FRMD6: variants seen among roughly 807,000 people sequenced by gnomAD.
FRMD6 encodes FERM domain-containing protein 6.
Under a neutral mutation model 73.2 loss-of-function variants are expected in FRMD6, and 37 were observed. The ratio of observed to expected loss-of-function variants is 0.51; its 90% CI spans 0.39 to 0.66. The LOEUF (loss-of-function observed/expected upper bound fraction) is 0.66, where lower values mean the gene tolerates loss of function less well. FRMD6 is among the 30% of genes least tolerant of loss of function. FRMD6 has a pLI of 0.00. For synonymous variants in FRMD6, 273 were observed against 282.2 expected (o/e 0.97, Z 0.33); for missense variants, 714 against 780.5 (o/e 0.91, Z 1.02).
chr14:51,596,269 G>T (rs1053432305), intron 2 of FRMD6, among the ~76,000 whole-genome samples: 8 of 151,934 alleles, frequency 5.3e-5, no homozygotes, highest in Non-Finnish European at 1.0e-4. Flanking sequence ...GTGTGTGTGT[G>T]TGTGTGTGTA....
chr14:51,585,939 G>GTGTGTGTGTGTGTGTGTGTATATATA lies in FRMD6; in HGVS notation c.-147+15530_-147+15531insGTGTGTGTGTGTGTGTGTATATATAT. Among the ~76,000 whole-genome samples the GTGTGTGTGTGTGTGTGTGTATATATA allele has an allele frequency of 2.2e-4, 7 of 31,412 alleles. 2 individuals carry two copies. Among genetic ancestry groups the GTGTGTGTGTGTGTGTGTGTATATATA allele is most frequent in the Non-Finnish European group, 5.8e-4 (6 of 10,366 alleles). 20.6% of individuals were successfully genotyped at this position (31,412 alleles called of 152,430 possible). On this transcript the variant is annotated intron_variant, in intron 2 of 14. Transcript: ENST00000356218. Reference sequence around the variant, plus strand: ...TGCCATGGCATGTGTGTGTGTGTGTGTATATATATATATATATATATAACA... The same window carrying GTGTGTGTGTGTGTGTGTGTATATATA: ...TGCCATGGCATGTGTGTGTGTGTGTGTGTGTGTGTGTGTGTGTGTATATATATATATATATATATATATATATAACA...
intron 2 of FRMD6, among the ~76,000 whole-genome samples, chr14:51,690,534 C>T (rs1259645343): frequency 2.0e-5 from 3 of 152,132 alleles, no homozygotes; most frequent in Admixed American, 6.6e-5. Context: ...TACTGGCACG[C>T]ACCACCACGC....
At chr14:51,518,696 T>C (rs990456471) in intron 1 of FRMD6, among the ~76,000 whole-genome samples, 2 of 152,228 alleles carry the variant, frequency 1.3e-5, no homozygotes, top group African/African-American at 4.8e-5. Flanking sequence ...TTCTCTCATT[T>C]TGGAAAATTT....
At chr14:51,414,721 A>G in the FRMD6 span, among the ~76,000 whole-genome samples, 2 of 152,152 alleles carry the variant, frequency 1.3e-5, no homozygotes, top group East Asian at 1.9e-4. Flanking sequence ...TGGGGGTGGC[A>G]TTGAATCTAT....
intron 1 of FRMD6, among the ~76,000 whole-genome samples, chr14:51,541,469 A>T (rs1886197793): frequency 6.6e-6 from 1 of 152,118 alleles, no homozygotes; most frequent in African/African-American, 2.4e-5. Flanking sequence ...AAAATGAAAT[A>T]AAAACAGTAT....
intron 2 of FRMD6, among the ~76,000 whole-genome samples, chr14:51,616,029 A>G (rs572508002): frequency 2.0e-5 from 3 of 152,322 alleles, no homozygotes; most frequent in Admixed American, 6.5e-5. Context: ...CTTGGAAGAT[A>G]TGGGTATAAA....
intron 7 of FRMD6, 74 bp downstream of exon 7, chr14:51,708,307 A>C: frequency 1.5e-6 from 2 of 1,340,636 alleles, no homozygotes; most frequent in Non-Finnish European, 2.1e-6. Flanking sequence ...AGGAAAACCG[A>C]AGGATTTCAT....
chr14:51,466,428 G>A, the FRMD6 span, among the ~76,000 whole-genome samples: 1 of 152,132 alleles, frequency 6.6e-6, no homozygotes, highest in South Asian at 2.1e-4. Flanking sequence ...GTTAGCATTT[G>A]TGTATTATGT....
At chr14:51,639,321 G>C (rs886550021) in intron 2 of FRMD6, among the ~76,000 whole-genome samples, 4 of 152,004 alleles carry the variant, frequency 2.6e-5, no homozygotes, top group African/African-American at 9.7e-5. Context: ...TGTAGTCCCA[G>C]CTAATCGGGA....
intron 1 of FRMD6, among the ~76,000 whole-genome samples, chr14:51,497,946 A>G (rs1883399112): frequency 6.6e-6 from 1 of 152,204 alleles, no homozygotes; most frequent in Admixed American, 6.5e-5. Context: ...ACAGGATTTC[A>G]TAGCCACACT....
intron 9 of FRMD6, chr14:51,714,509 A>G (rs1428780372): frequency 6.6e-6 from 1 of 152,218 alleles, no homozygotes; most frequent in African/African-American, 2.4e-5. Flanking sequence ...GAAAGTTAAA[A>G]GAGTTCATAA....
At chr14:51,689,275 G>A (rs1344585032) in intron 1 of FRMD6, among the ~76,000 whole-genome samples, 1 of 152,202 alleles carries the variant, frequency 6.6e-6, no homozygotes, top group Non-Finnish European at 1.5e-5. Flanking sequence ...TGTAATGTAA[G>A]AGCCAAGACA....
intron 1 of FRMD6, among the ~76,000 whole-genome samples, chr14:51,553,715 G>A (rs1372213059): frequency 6.6e-6 from 1 of 152,168 alleles, no homozygotes; most frequent in Non-Finnish European, 1.5e-5. Context: ...GTTCCTGAAG[G>A]AGTTCATTTT....
At chr14:51,609,692 G>A (rs1890410261) in intron 2 of FRMD6, among the ~76,000 whole-genome samples, 1 of 152,182 alleles carries the variant, frequency 6.6e-6, no homozygotes, top group Non-Finnish European at 1.5e-5. Flanking sequence ...CTGAGTAAGG[G>A]GAGATGGGGG....
intron 1 of FRMD6, among the ~76,000 whole-genome samples, chr14:51,658,534 TCTC>T (rs1302752727): frequency 6.6e-6 from 1 of 152,208 alleles, no homozygotes; most frequent in African/African-American, 2.4e-5. Flanking sequence ...TTTTTGGACT[TCTC>T]CTGCCTTTAT....
chr14:51,727,634 C>T, intron 13 of FRMD6, 111 bp from the exon 14 acceptor site: 1 of 1,067,146 alleles, frequency 9.4e-7, no homozygotes, highest in Non-Finnish European at 1.3e-6. Context: ...AAACCACTTT[C>T]TAACATGTAA....
the FRMD6 span, among the ~76,000 whole-genome samples, chr14:51,473,956 T>C: frequency 6.6e-6 from 1 of 152,120 alleles, no homozygotes. Flanking sequence ...TTACTAATCA[T>C]AGTTAACATT....
chr14:51,499,397 T>C (rs371061787), intron 1 of FRMD6, among the ~76,000 whole-genome samples: 2 of 152,240 alleles, frequency 1.3e-5, no homozygotes, highest in African/African-American at 2.4e-5. Flanking sequence ...AGATTTCCAA[T>C]TTAAAGGAAA....
chr14:51,666,128 A>G (rs374313096), intron 1 of FRMD6, among the ~76,000 whole-genome samples: 58 of 152,352 alleles, frequency 3.8e-4, no homozygotes, highest in African/African-American at 1.3e-3. Flanking sequence ...TACTTCCTCA[A>G]ATAGTGCTTT....
Sources: allele counts gnomAD v4.1 joint callset (sites outside exome capture counted in the v4.1 genomes callset), GRCh38; gene constraint gnomAD v4.1.1; transcripts MANE v1.5; gene names NCBI Gene and HGNC (gene_info 2026-07-23, HGNC 2026-07-21).